RAP1GDS1: variants seen among roughly 807,000 people sequenced by gnomAD.
RAP1GDS1 encodes the protein Rap1 GTPase-GDP dissociation stimulator 1, also known as RAP1, GTP-GDP dissociation stimulator 1.
RAP1GDS1 carries 35 observed loss-of-function variants against 71.1 expected under a neutral mutation model. That is an observed-to-expected ratio of 0.49 (90% CI 0.38 to 0.65). The LOEUF is 0.65. RAP1GDS1 is among the 30% of genes least tolerant of loss of function. RAP1GDS1 has a pLI of 0.00. For missense variants in RAP1GDS1, 663 were observed against 706.1 expected (o/e 0.94, Z 0.69); for synonymous variants, 229 against 243.1 (o/e 0.94, Z 0.54).
intron 2 of RAP1GDS1, among the ~76,000 whole-genome samples, chr4:98,341,704 G>C (rs920460320): frequency 1.3e-5 from 2 of 148,670 alleles, no homozygotes; most frequent in Non-Finnish European, 1.5e-5. Context: ...GTTCTTTATG[G>C]CTTTTTGCTT....
chr4:98,435,057 G>A (rs1025538380), intron 13 of RAP1GDS1, among the ~76,000 whole-genome samples: 2 of 152,212 alleles, frequency 1.3e-5, no homozygotes, highest in African/African-American at 4.8e-5. Flanking sequence ...ATAGAGTCAC[G>A]TGGCCTGTGG....
chr4:98,374,437 T>C (rs1043552158), intron 4 of RAP1GDS1, among the ~76,000 whole-genome samples: 2 of 152,238 alleles, frequency 1.3e-5, no homozygotes, highest in Admixed American at 1.3e-4. Context: ...GTAGTCATTA[T>C]CGTTAAAGTC....
chr4:98,334,093 T>G (rs549206184), intron 2 of RAP1GDS1, among the ~76,000 whole-genome samples: 5 of 152,140 alleles, frequency 3.3e-5, no homozygotes, highest in Non-Finnish European at 7.4e-5. Context: ...TAAAAGACAT[T>G]TGGCTTAATT....
At chr4:98,402,200 T>C (rs1042701835) in intron 6 of RAP1GDS1, among the ~76,000 whole-genome samples, 6 of 152,150 alleles carry the variant, frequency 3.9e-5, no homozygotes, top group Non-Finnish European at 7.3e-5. Flanking sequence ...GCCTCCTGAG[T>C]AGCTGGGACT....
chr4:98,271,138 G>T (rs1171809549), intron 1 of RAP1GDS1, among the ~76,000 whole-genome samples: 1 of 152,054 alleles, frequency 6.6e-6, no homozygotes, highest in African/African-American at 2.4e-5. Context: ...CCTAGTGCCT[G>T]CATTGTTCAA....
At chr4:98,320,322 T>A (rs925488936) in intron 2 of RAP1GDS1, among the ~76,000 whole-genome samples, 1 of 152,212 alleles carries the variant, frequency 6.6e-6, no homozygotes, top group African/African-American at 2.4e-5. Flanking sequence ...GTTTCTCTTT[T>A]TAGATTAGTG....
At chr4:98,291,737 T>C (rs1319940952) in intron 1 of RAP1GDS1, among the ~76,000 whole-genome samples, 1 of 152,154 alleles carries the variant, frequency 6.6e-6, no homozygotes, top group Non-Finnish European at 1.5e-5. Context: ...CAGCCACAGG[T>C]GTAGAACAGA....
At chr4:98,431,225 G>T (rs558296184) in intron 12 of RAP1GDS1, among the ~76,000 whole-genome samples, 1 of 152,102 alleles carries the variant, frequency 6.6e-6, no homozygotes, top group Non-Finnish European at 1.5e-5. Context: ...TTTAAATCCC[G>T]TACTGAAAAG....
At position 98,373,824 on chromosome 4, in the gene RAP1GDS1, T is replaced by C. The variant is rs1023825254; in HGVS notation, c.362-5193T>C. On this transcript the variant is annotated intron_variant, in intron 4 of 14. Coordinates refer to ENST00000408927, the MANE Select transcript of RAP1GDS1 (RefSeq NM_001100427.2). Reference sequence around the variant, plus strand: ...TATGTCAGCATCACTGCTCTTACACTTTGAGGCCATTAAGTAAAATAAGCA... The same window carrying C: ...TATGTCAGCATCACTGCTCTTACACCTTGAGGCCATTAAGTAAAATAAGCA... Among the ~76,000 whole-genome samples the C allele has an allele frequency of 1.0e-3, 156 of 150,778 alleles. 1 individual carries two copies. Among genetic ancestry groups the C allele is most frequent in the African/African-American group, 3.7e-3 (150 of 40,470 alleles).
chr4:98,409,962 A>G (rs752532037), intron 7 of RAP1GDS1, among the ~76,000 whole-genome samples: 13 of 152,086 alleles, frequency 8.5e-5, no homozygotes, highest in Non-Finnish European at 2.9e-5. Flanking sequence ...AAATTGAGAC[A>G]TTGGTTACTT....
chr4:98,385,722 A>G (rs947221098), intron 5 of RAP1GDS1, among the ~76,000 whole-genome samples: 2 of 151,980 alleles, frequency 1.3e-5, no homozygotes, highest in African/African-American at 4.8e-5. Flanking sequence ...TCTTGTTAAC[A>G]GAATTTTTGC....
intron 4 of RAP1GDS1, among the ~76,000 whole-genome samples, chr4:98,363,467 A>G (rs1739036699): frequency 7.8e-6 from 1 of 128,628 alleles, no homozygotes. Flanking sequence ...AATAACAGTG[A>G]GACCCTGTCT....
chr4:98,364,699 T>C (rs1005870071), intron 4 of RAP1GDS1, among the ~76,000 whole-genome samples: 1 of 151,980 alleles, frequency 6.6e-6, no homozygotes, highest in Non-Finnish European at 1.5e-5. Flanking sequence ...TTTACATTTT[T>C]CCAAGTATAA....
chr4:98,331,085 A>G (rs1311186550), intron 2 of RAP1GDS1, among the ~76,000 whole-genome samples: 1 of 152,226 alleles, frequency 6.6e-6, no homozygotes. Context: ...ACTCGAGGTC[A>G]GGAGCTGGAG....
At chr4:98,383,910 T>C (rs1254845280) in intron 5 of RAP1GDS1, among the ~76,000 whole-genome samples, 1 of 151,558 alleles carries the variant, frequency 6.6e-6, no homozygotes, top group East Asian at 1.9e-4. Context: ...GTTAGATGTT[T>C]AGAAAAATGA....
At chr4:98,409,039 T>C (rs1746594352) in intron 7 of RAP1GDS1, among the ~76,000 whole-genome samples, 1 of 151,990 alleles carries the variant, frequency 6.6e-6, no homozygotes, top group Non-Finnish European at 1.5e-5. Flanking sequence ...TTAAAGAGAA[T>C]AAAAGAAAAA....
intron 6 of RAP1GDS1, among the ~76,000 whole-genome samples, chr4:98,395,694 G>T (rs1245161956): frequency 6.6e-6 from 1 of 152,080 alleles, no homozygotes; most frequent in Admixed American, 6.6e-5. Context: ...TACTCTTTAG[G>T]ATAGCCAAAG....
intron 14 of RAP1GDS1, chr4:98,441,628 G>A: frequency 1.0e-6 from 1 of 983,332 alleles, no homozygotes. Context: ...AAGTAGCTGT[G>A]CAGTGGCTCA....
intron 2 of RAP1GDS1, among the ~76,000 whole-genome samples, chr4:98,326,702 G>C (rs1733150034): frequency 6.6e-6 from 1 of 152,146 alleles, no homozygotes; most frequent in South Asian, 2.1e-4. Flanking sequence ...CTTCTCCTTT[G>C]GGGAAGTTAT....
Sources: allele counts gnomAD v4.1 joint callset (sites outside exome capture counted in the v4.1 genomes callset), GRCh38; gene constraint gnomAD v4.1.1; transcripts MANE v1.5; gene names NCBI Gene and HGNC (gene_info 2026-07-23, HGNC 2026-07-21).